Variants in ANK2 observed in about 807,000 individuals in gnomAD.
ANK2 encodes the protein ankyrin 2.
In ANK2, 83 loss-of-function variants were observed where a neutral mutation model predicts 360.5. The ratio of observed to expected loss-of-function variants is 0.23; its 90% confidence interval spans 0.19 to 0.28. The LOEUF (loss-of-function observed/expected upper bound fraction) is 0.28. ANK2 is among the 10% of genes least tolerant of loss of function. The probability of loss-of-function intolerance (pLI) is 1.00; values close to 1 mark genes in which losing one functional copy is unlikely to be tolerated. For synonymous variants in ANK2, 1,740 were observed against 1,759.5 expected, an observed-to-expected ratio of 0.99 and a Z score of 0.28; for missense variants, 4,201 against 4,795.7, an observed-to-expected ratio of 0.88 and a Z score of 3.66.
intron 18 of ANK2, 49 bp from the exon 19 acceptor site, chr4:113,287,556 A>G (rs569287053): frequency 1.5e-6 from 2 of 1,296,628 alleles, no homozygotes; most frequent in African/African-American, 2.9e-5. Flanking sequence ...AGATGATGCA[A>G]TGTATTTTCT....
intron 1 of ANK2, among the ~76,000 whole-genome samples, chr4:113,137,827 T>C (rs1294013275): frequency 6.6e-6 from 1 of 152,188 alleles, no homozygotes; most frequent in African/African-American, 2.4e-5. Flanking sequence ...TGACAGCTGA[T>C]AGTGTCCATC....
chr4:113,321,168 A>T (rs2086018519), intron 26 of ANK2, among the ~76,000 whole-genome samples: 1 of 152,216 alleles, frequency 6.6e-6, no homozygotes, highest in South Asian at 2.1e-4. Context: ...TATCTATAAG[A>T]TGAGTGTTAT....
At chr4:113,007,256 C>T (rs1196331885) in intron 2 of ANK2, among the ~76,000 whole-genome samples, 1 of 152,110 alleles carries the variant, frequency 6.6e-6, no homozygotes, top group Non-Finnish European at 1.5e-5. Context: ...TTCATCTTGT[C>T]CTCTGGGGAA....
At chr4:113,298,332 C>G (rs2073062935) in intron 22 of ANK2, among the ~76,000 whole-genome samples, 1 of 152,110 alleles carries the variant, frequency 6.6e-6, no homozygotes, top group South Asian at 2.1e-4. Context: ...AGCTTGAACT[C>G]CACTGATGGA....
At chr4:112,708,358 T>A in the ANK2 span, among the ~76,000 whole-genome samples, 1 of 152,200 alleles carries the variant, frequency 6.6e-6, no homozygotes. Context: ...AAAAGTGTAA[T>A]TGAGAAAAGC....
the ANK2 span, among the ~76,000 whole-genome samples, chr4:112,719,291 C>T: frequency 1.3e-5 from 2 of 152,122 alleles, no homozygotes; most frequent in Non-Finnish European, 2.9e-5. Flanking sequence ...AATACCACCT[C>T]CTCATGCCAG....
rs545729329 is a variant in ANK2 at position 112,925,082 on chromosome 4, T to A, written c.21+20568T>A. ...CTCTATCTCCTGACCTCATGATCTATCCGCCTCGGCCTTCCAAAGTGCTGG... is the reference window on the plus strand; with the variant it reads ...CTCTATCTCCTGACCTCATGATCTAACCGCCTCGGCCTTCCAAAGTGCTGG... On this transcript the variant is annotated intron_variant, in intron 2 of 30. Coordinates refer to the ANK2 transcript ENST00000503271. 7.4e-4 allele frequency among the ~76,000 whole-genome samples: 113 copies of A among 152,206 alleles called. 1 individual carries two copies. The highest frequency in any genetic ancestry group is 1.4e-3 in the Non-Finnish European group (97 of 67,986).
At chr4:113,286,681 C>G (rs1424564980) in intron 18 of ANK2, among the ~76,000 whole-genome samples, 3 of 152,120 alleles carry the variant, frequency 2.0e-5, no homozygotes, top group Non-Finnish European at 4.4e-5. Context: ...CAGTCTATAG[C>G]TGCAGGATGT....
At chr4:113,129,412 A>T (rs2095869495) in intron 1 of ANK2, among the ~76,000 whole-genome samples, 1 of 152,178 alleles carries the variant, frequency 6.6e-6, no homozygotes, top group Admixed American at 6.5e-5. Flanking sequence ...TATAACTTGG[A>T]ATGACTTTTG....
intron 1 of ANK2, among the ~76,000 whole-genome samples, chr4:112,823,321 G>T (rs2057637492): frequency 6.6e-6 from 1 of 152,168 alleles, no homozygotes; most frequent in Non-Finnish European, 1.5e-5. Context: ...GTTTCAAAAA[G>T]AATAATTGGG....
At chr4:112,905,008 A>G (rs2084724668) in intron 2 of ANK2, among the ~76,000 whole-genome samples, 1 of 152,218 alleles carries the variant, frequency 6.6e-6, no homozygotes, top group Non-Finnish European at 1.5e-5. Flanking sequence ...TCCAGATTCT[A>G]CATTTAAATC....
chr4:112,934,548 C>T (rs920419125), intron 2 of ANK2, among the ~76,000 whole-genome samples: 1 of 152,150 alleles, frequency 6.6e-6, no homozygotes, highest in Admixed American at 6.5e-5. Flanking sequence ...TTAGATTCCA[C>T]GACCACATTT....
chr4:112,888,405 A>G (rs1560961573), intron 1 of ANK2, among the ~76,000 whole-genome samples: 1 of 152,180 alleles, frequency 6.6e-6, no homozygotes, highest in Non-Finnish European at 1.5e-5. Context: ...CAACCTTTTA[A>G]AAACAAAAAT....
At chr4:113,302,313 G>A (rs2075396554) in intron 22 of ANK2, among the ~76,000 whole-genome samples, 1 of 152,162 alleles carries the variant, frequency 6.6e-6, no homozygotes. Flanking sequence ...CATATTTTCT[G>A]CCCAAATAGT....
At chr4:113,240,398 T>G (rs555947197) in intron 7 of ANK2, 87 bp from the exon 8 acceptor site, 7 of 1,000,970 alleles carry the variant, frequency 7.0e-6, no homozygotes, top group Non-Finnish European at 1.1e-5. Flanking sequence ...AGGTAGACTT[T>G]TACCATGTGA....
chr4:113,349,863 G>T (rs2095285900), intron 36 of ANK2, among the ~76,000 whole-genome samples: 1 of 152,020 alleles, frequency 6.6e-6, no homozygotes, highest in Admixed American at 6.6e-5. Context: ...GTTGCTGTTT[G>T]TCATCCTTTC....
At chr4:112,760,716 G>A in the ANK2 span, among the ~76,000 whole-genome samples, 3 of 151,510 alleles carry the variant, frequency 2.0e-5, no homozygotes, top group Admixed American at 6.6e-5. Flanking sequence ...TTAAAGGTGG[G>A]CTCTTTCCTG....
chr4:112,813,529 A>ATATT (rs1365659653), upstream of ANK2, among the ~76,000 whole-genome samples: 77 of 134,630 alleles, frequency 5.7e-4, 1 homozygote, highest in Middle Eastern at 4.0e-3. Flanking sequence ...AAATTATATT[A>ATATT]TATTTATTTA....
At chr4:113,298,659 C>T (rs1050551772) in intron 22 of ANK2, among the ~76,000 whole-genome samples, 27 of 152,074 alleles carry the variant, frequency 1.8e-4, no homozygotes, top group Admixed American at 1.4e-3. Context: ...CCATATTATC[C>T]GATTTAATTA....
Sources: allele counts gnomAD v4.1 joint callset (sites outside exome capture counted in the v4.1 genomes callset), GRCh38; gene constraint gnomAD v4.1.1; transcripts MANE v1.5; gene names NCBI Gene and HGNC (gene_info 2026-07-23, HGNC 2026-07-21).